ENTREP2: variants seen among roughly 807,000 people sequenced by gnomAD.
ENTREP2 encodes the protein endosomal transmembrane epsin interactor 2.
At chr15:29,377,065 C>T in the ENTREP2 span, 1 of 152,164 alleles carries the variant, frequency 6.6e-6, no homozygotes. Flanking sequence ...AGTGTGCCCC[C>T]CTGGGAATGA....
chr15:29,365,196 C>T, the ENTREP2 span, among the ~76,000 whole-genome samples: 3 of 151,954 alleles, frequency 2.0e-5, no homozygotes, highest in African/African-American at 7.3e-5. Context: ...ACTTCTTTCA[C>T]ACTGTATTAT....
the ENTREP2 span, among the ~76,000 whole-genome samples, chr15:29,208,676 A>G: frequency 6.6e-6 from 1 of 152,164 alleles, no homozygotes; most frequent in Non-Finnish European, 1.5e-5. Context: ...ATACCTATAT[A>G]CCTATAGGTA....
chr15:29,511,531 GGA>G, the ENTREP2 span, among the ~76,000 whole-genome samples: 1 of 150,824 alleles, frequency 6.6e-6, no homozygotes, highest in Non-Finnish European at 1.5e-5. Context: ...TAGTAGAGTT[GGA>G]GAGGCTGGTC....
the ENTREP2 span, among the ~76,000 whole-genome samples, chr15:29,307,101 T>C: frequency 6.6e-6 from 1 of 152,276 alleles, no homozygotes; most frequent in East Asian, 1.9e-4. Flanking sequence ...CAATTATTTA[T>C]AGTGGTACTT....
At chr15:29,453,299 C>G in the ENTREP2 span, among the ~76,000 whole-genome samples, 7 of 152,212 alleles carry the variant, frequency 4.6e-5, no homozygotes, top group African/African-American at 1.4e-4. Context: ...GACAATTTCA[C>G]AGCCCTGTCC....
At chr15:29,280,653 C>G in the ENTREP2 span, among the ~76,000 whole-genome samples, 28 of 152,184 alleles carry the variant, frequency 1.8e-4, no homozygotes, top group Non-Finnish European at 3.2e-4. Flanking sequence ...TCACATTCAT[C>G]AGGAAGGAAG....
chr15:29,272,516 G>C, the ENTREP2 span, among the ~76,000 whole-genome samples: 1 of 152,172 alleles, frequency 6.6e-6, no homozygotes, highest in Non-Finnish European at 1.5e-5. Context: ...AGGATGACGA[G>C]GTTCATAAAT....
At chr15:29,331,845 A>G in the ENTREP2 span, among the ~76,000 whole-genome samples, 1 of 152,154 alleles carries the variant, frequency 6.6e-6, no homozygotes, top group Non-Finnish European at 1.5e-5. Flanking sequence ...CAGACCAAGA[A>G]TCTGGTTTCC....
the ENTREP2 span, among the ~76,000 whole-genome samples, chr15:29,406,895 T>C: frequency 6.6e-6 from 1 of 152,206 alleles, no homozygotes; most frequent in African/African-American, 2.4e-5. Context: ...GCATTCAGTA[T>C]TGGCATTATT....
chr15:29,268,235 G>C, the ENTREP2 span: 1 of 152,234 alleles, frequency 6.6e-6, no homozygotes, highest in African/African-American at 2.4e-5. Context: ...TTTAGCAGCA[G>C]AGCTGAATAA....
chr15:29,123,591 A>T, the ENTREP2 span: 1 of 1,551,710 alleles, frequency 6.4e-7, no homozygotes, highest in Non-Finnish European at 8.7e-7. Context: ...TTTTCCAGGT[A>T]TCTGGGTCCC....
chr15:29,117,939 C>CA, the ENTREP2 span: 11 of 152,060 alleles, frequency 7.2e-5, no homozygotes, highest in African/African-American at 2.7e-4. Context: ...TACACACATC[C>CA]ACGCACATGC....
At chr15:29,631,337 T>C in the ENTREP2 span, among the ~76,000 whole-genome samples, 7 of 152,166 alleles carry the variant, frequency 4.6e-5, no homozygotes, top group Admixed American at 2.0e-4. Context: ...TGATTGTATC[T>C]TGGAGACTTT....
At chr15:29,286,643 G>T in the ENTREP2 span, among the ~76,000 whole-genome samples, 3 of 152,190 alleles carry the variant, frequency 2.0e-5, no homozygotes, top group Non-Finnish European at 4.4e-5. Flanking sequence ...TCTGGCCACG[G>T]TCCCCACTGT....
the ENTREP2 span, among the ~76,000 whole-genome samples, chr15:29,344,824 T>C: frequency 8.6e-5 from 13 of 151,640 alleles, no homozygotes; most frequent in Non-Finnish European, 1.9e-4. Flanking sequence ...GAGCTATTTA[T>C]TGAAATGAGG....
the ENTREP2 span, among the ~76,000 whole-genome samples, chr15:29,492,449 T>C: frequency 3.9e-5 from 6 of 152,226 alleles, no homozygotes; most frequent in African/African-American, 1.4e-4. Flanking sequence ...AAGTCATAAT[T>C]ATCACCATTG....
chr15:29,136,274 G>A, the ENTREP2 span: 2 of 1,346,034 alleles, frequency 1.5e-6, no homozygotes, highest in Middle Eastern at 2.6e-4. Flanking sequence ...GCTCGGACCT[G>A]GCGCGGTGTG....
chr15:29,569,389 TAAAC>T, the ENTREP2 span: 4 of 152,140 alleles, frequency 2.6e-5, no homozygotes, highest in Non-Finnish European at 2.9e-5. Flanking sequence ...CATTATGAAA[TAAAC>T]AAATAAGCAA....
chr15:29,383,808 A>G, the ENTREP2 span, among the ~76,000 whole-genome samples: 8 of 152,084 alleles, frequency 5.3e-5, no homozygotes, highest in Non-Finnish European at 1.2e-4. Flanking sequence ...CATGAACCAA[A>G]GCACGCACAC....
Sources: allele counts gnomAD v4.1 joint callset (sites outside exome capture counted in the v4.1 genomes callset), GRCh38; gene constraint gnomAD v4.1.1; transcripts MANE v1.5; gene names NCBI Gene and HGNC (gene_info 2026-07-23, HGNC 2026-07-21).